CLASP1: variants seen among roughly 807,000 people sequenced by gnomAD.
CLASP1 encodes the protein CLIP-associating protein 1.
Under a neutral mutation model 192.3 loss-of-function variants are expected in CLASP1, and 38 were observed. The ratio of observed to expected loss-of-function variants is 0.20; its 90% CI spans 0.15 to 0.26. The LOEUF (loss-of-function observed/expected upper bound fraction) is 0.26, where lower values mean the gene tolerates loss of function less well. Ranked by LOEUF, CLASP1 falls within the 10% of genes least tolerant of loss-of-function variation. The pLI, the probability that CLASP1 is intolerant of heterozygous loss-of-function variation, is 1.00. For missense variants in CLASP1, 1,433 were observed against 1,932.5 expected (o/e 0.74, Z 4.85); for synonymous variants, 691 against 712.8 (o/e 0.97, Z 0.49).
In CLASP1 at chr2:121,351,299, C is replaced by CT. The variant is rs2064355324; in HGVS notation, c.4207-2582dup. 3.9e-5 allele frequency among the ~76,000 whole-genome samples: 6 copies of CT among 152,368 alleles called. No individual in the cohort carries two copies. In the South Asian group the frequency reaches 1.2e-3, roughly 32 times the overall value. ...CAGACCAGTGACACTTTTCCCCCAA[C>CT]TTCTGTTCCTCTGTCTGTGACATTC... On this transcript the variant is annotated intron_variant, in intron 37 of 39. Coordinates refer to ENST00000263710, the Ensembl canonical transcript of CLASP1.
chr2:121,595,189 A>G (rs2062985408), intron 2 of CLASP1, among the ~76,000 whole-genome samples: 1 of 152,220 alleles, frequency 6.6e-6, no homozygotes, highest in African/African-American at 2.4e-5. Flanking sequence ...AGTGGGTGCT[A>G]CAGTCAGACT....
intron 4 of CLASP1, among the ~76,000 whole-genome samples, 164 bp from the exon 5 acceptor site, chr2:121,528,054 T>A (rs1306698294): frequency 1.3e-5 from 2 of 152,210 alleles, no homozygotes; most frequent in African/African-American, 2.4e-5. Context: ...ATGACATCTA[T>A]CATGTTATCA....
chr2:121,478,983 C>CCACACACCCCA (rs1559370189), intron 8 of CLASP1, among the ~76,000 whole-genome samples: 9 of 40,790 alleles, frequency 2.2e-4, no homozygotes, highest in African/African-American at 1.3e-3. Context: ...CACACACACA[C>CCACACACCCCA]CACACACCCC....
intron 35 of CLASP1, among the ~76,000 whole-genome samples, 179 bp downstream of exon 36, chr2:121,367,409 C>T (rs965375799): frequency 6.6e-6 from 1 of 152,198 alleles, no homozygotes; most frequent in Admixed American, 6.5e-5. Flanking sequence ...TGCCATGTTC[C>T]CCGTGCCCAA....
At chr2:121,363,539 C>T (rs1346193711) in intron 36 of CLASP1, among the ~76,000 whole-genome samples, 2 of 152,188 alleles carry the variant, frequency 1.3e-5, no homozygotes, top group African/African-American at 4.8e-5. Context: ...GACCCAGCGC[C>T]TGACAGGCAC....
chr2:121,636,796 T>C (rs990410799), intron 1 of CLASP1, among the ~76,000 whole-genome samples: 1 of 152,158 alleles, frequency 6.6e-6, no homozygotes, highest in African/African-American at 2.4e-5. Context: ...TCCTAAGGCA[T>C]TGGAAAGATC....
At chr2:121,604,038 G>A (rs1271573548) in intron 2 of CLASP1, among the ~76,000 whole-genome samples, 1 of 152,134 alleles carries the variant, frequency 6.6e-6, no homozygotes, top group Non-Finnish European at 1.5e-5. Flanking sequence ...TAGTAATATA[G>A]TTTCAATTAG....
chr2:121,454,474 C>T (rs1236274339), intron 14 of CLASP1, among the ~76,000 whole-genome samples: 1 of 152,118 alleles, frequency 6.6e-6, no homozygotes, highest in Non-Finnish European at 1.5e-5. Context: ...TCTTTTGGCT[C>T]CTCTGGGCCA....
chr2:121,435,509 G>T (rs2082148016), intron 19 of CLASP1, among the ~76,000 whole-genome samples: 1 of 152,040 alleles, frequency 6.6e-6, no homozygotes, highest in Admixed American at 6.6e-5. Context: ...CCCAACCTCA[G>T]GTGATCTGCC....
At chr2:121,586,906 G>A (rs2061775452) in intron 2 of CLASP1, among the ~76,000 whole-genome samples, 1 of 152,140 alleles carries the variant, frequency 6.6e-6, no homozygotes, top group Non-Finnish European at 1.5e-5. Context: ...GGCTGATCCT[G>A]GCTAAAATAA....
chr2:121,646,570 A>G (rs2106378495), intron 1 of CLASP1, among the ~76,000 whole-genome samples: 1 of 152,378 alleles, frequency 6.6e-6, no homozygotes, highest in Admixed American at 6.5e-5. Context: ...TTAAATGTTT[A>G]TATTTACCAA....
chr2:121,418,146 C>T (rs1304586299), intron 23 of CLASP1, among the ~76,000 whole-genome samples: 1 of 152,208 alleles, frequency 6.6e-6, no homozygotes, highest in East Asian at 1.9e-4. Flanking sequence ...GGACTATTAA[C>T]TCTAAAAAGA....
intron 2 of CLASP1, chr2:121,531,051 A>AT (rs1377033676): frequency 2.4e-5 from 17 of 697,516 alleles, no homozygotes; most frequent in Non-Finnish European, 4.4e-5. Flanking sequence ...AACAGCAGTA[A>AT]TTCGTAAATA....
At chr2:121,460,024 C>A (rs2087567010) in exon 12 of CLASP1, 1 of 1,613,514 alleles carries the variant, frequency 6.2e-7, no homozygotes. Context: ...ACCGCAGGTC[C>A]TTAGCAGAGA....
At chr2:121,554,325 G>A (rs1447888244) in intron 2 of CLASP1, among the ~76,000 whole-genome samples, 1 of 152,012 alleles carries the variant, frequency 6.6e-6, no homozygotes, top group South Asian at 2.1e-4. Context: ...CGATAAATCA[G>A]ATAGGCTGGT....
Position 121,401,887 on chromosome 2 carries a change from C to A in CLASP1, c.2734-17G>T. ...ACTTACTCTCTGTTGTGAATTCCAC[C>A]GCAAACGAGGCCATGCAACAAAACA... On this transcript the variant is annotated splice_polypyrimidine_tract_variant and intron_variant, in intron 26 of 39. Coordinates refer to ENST00000263710, the Ensembl canonical transcript of CLASP1. The A allele has an allele frequency of 1.4e-6, 1 of 710,722 alleles. No individual in the cohort carries two copies. Among genetic ancestry groups the A allele is most frequent in the Admixed American group, 1.8e-5 (1 of 57,074 alleles). The allele number at this position is 710,722 out of a possible 1,614,324, so 44.0% of individuals were successfully genotyped here.
chr2:121,583,868 A>G (rs1474909168), intron 2 of CLASP1, among the ~76,000 whole-genome samples: 1 of 151,916 alleles, frequency 6.6e-6, no homozygotes, highest in East Asian at 1.9e-4. Context: ...ACACTTTATG[A>G]AAGTGTTAGG....
At chr2:121,447,773 C>T (rs72969312) in intron 18 of CLASP1, among the ~76,000 whole-genome samples, 5,860 of 152,148 alleles carry the variant, frequency 0.039, 159 homozygotes, top group East Asian at 0.14. Flanking sequence ...AGAAATGGAC[C>T]ATGTTTCTGC....
chr2:121,358,940 G>C (rs921402995), intron 37 of CLASP1, among the ~76,000 whole-genome samples: 1 of 152,208 alleles, frequency 6.6e-6, no homozygotes, highest in Non-Finnish European at 1.5e-5. Flanking sequence ...AGTGTAACTG[G>C]ATATTCACTA....
Sources: gnomAD v4.1 joint callset for allele counts (sites outside exome capture counted in the v4.1 genomes callset) on GRCh38, gnomAD v4.1.1 for gene constraint, MANE v1.5 for transcripts, NCBI Gene and HGNC (gene_info 2026-07-23, HGNC 2026-07-21) for gene names.